ME1: variants seen among roughly 807,000 people sequenced by gnomAD.
ME1 encodes the protein NADP-dependent malic enzyme.
ME1 carries 74 observed loss-of-function variants against 66.4 expected under a neutral mutation model. The ratio of observed to expected loss-of-function variants is 1.11; its 90% CI spans 0.92 to 1.35. The LOEUF (loss-of-function observed/expected upper bound fraction) is 1.35, where lower values mean the gene tolerates loss of function less well. Ranked by LOEUF, ME1 falls within the 40% of genes most tolerant of loss-of-function variation. The pLI, the probability that ME1 is intolerant of heterozygous loss-of-function variation, is 0.00. For synonymous variants in ME1, 251 were observed against 235.6 expected, an observed-to-expected ratio of 1.07 and a Z score of -0.60; for missense variants, 750 against 694.1, an observed-to-expected ratio of 1.08 and a Z score of -0.90.
intron 6 of ME1, among the ~76,000 whole-genome samples, chr6:83,256,950 C>G (rs1766784099): frequency 6.6e-6 from 1 of 151,874 alleles, no homozygotes; most frequent in Admixed American, 6.6e-5. Flanking sequence ...AAGAGAAAAC[C>G]AAACACAGCA....
chr6:83,376,804 C>CAAAAAAAAAA lies in ME1; in HGVS notation c.362+21553_362+21562dup, dbSNP rs70987750. On this transcript the variant is annotated intron_variant, in intron 3 of 13. Transcript: ENST00000369705. The stretch of plus-strand genomic sequence containing the variant: ...GGCGACAGAACCAGACCCTGTCTCA[C>CAAAAAAAAAA]AAAAAAAAAAAAAAAATTCAAAAAA... Among the ~76,000 whole-genome samples, 55 of 87,108 alleles carry CAAAAAAAAAA rather than the reference C, an allele frequency of 6.3e-4. 2 individuals carry two copies. Among genetic ancestry groups the CAAAAAAAAAA allele is most frequent in the African/African-American group, 2.0e-3 (51 of 25,636 alleles). 57.1% of individuals were successfully genotyped at this position (87,108 alleles called of 152,430 possible).
At chr6:83,349,010 A>C (rs1040110481) in intron 4 of ME1, among the ~76,000 whole-genome samples, 2 of 140,930 alleles carry the variant, frequency 1.4e-5, no homozygotes, top group Non-Finnish European at 3.0e-5. Flanking sequence ...AACAAAAAAC[A>C]AAAAACAGTG....
intron 5 of ME1, among the ~76,000 whole-genome samples, chr6:83,334,038 A>T (rs1001027473): frequency 2.6e-5 from 4 of 151,996 alleles, no homozygotes; most frequent in African/African-American, 9.7e-5. Flanking sequence ...TGATTTCTGC[A>T]TTTCCATCTG....
At chr6:83,332,950 C>T (rs1367979146) in intron 5 of ME1, among the ~76,000 whole-genome samples, 4 of 152,024 alleles carry the variant, frequency 2.6e-5, no homozygotes, top group African/African-American at 9.7e-5. Context: ...TAGCCAAGTA[C>T]TTCTGTGTAC....
At chr6:83,350,647 C>A (rs185417557) in intron 4 of ME1, among the ~76,000 whole-genome samples, 10 of 152,026 alleles carry the variant, frequency 6.6e-5, no homozygotes, top group African/African-American at 2.2e-4. Context: ...ACCATTCCAG[C>A]TAATTTTAAA....
intron 5 of ME1, among the ~76,000 whole-genome samples, chr6:83,316,116 A>G (rs1562478794): frequency 1.3e-5 from 2 of 152,180 alleles, no homozygotes; most frequent in Non-Finnish European, 2.9e-5. Context: ...TTCCTTTCTT[A>G]ATTTTCCACT....
intron 6 of ME1, among the ~76,000 whole-genome samples, chr6:83,293,121 C>T (rs1767534443): frequency 1.3e-5 from 2 of 152,154 alleles, no homozygotes; most frequent in South Asian, 4.1e-4. Context: ...ACACCCTGCC[C>T]TGCTTCAGCT....
intron 11 of ME1, among the ~76,000 whole-genome samples, chr6:83,224,894 T>G (rs867234148): frequency 6.6e-6 from 1 of 151,728 alleles, no homozygotes; most frequent in Admixed American, 6.6e-5. Context: ...TCTCATGTAC[T>G]GCTTGCTTTA....
chr6:83,371,177 T>C (rs973586510), intron 3 of ME1, among the ~76,000 whole-genome samples: 133 of 152,302 alleles, frequency 8.7e-4, no homozygotes, highest in African/African-American at 3.1e-3. Flanking sequence ...TATTATTGTT[T>C]CTCTGATAAA....
chr6:83,309,541 G>C (rs1342664530), intron 6 of ME1, among the ~76,000 whole-genome samples: 1 of 152,068 alleles, frequency 6.6e-6, no homozygotes, highest in Non-Finnish European at 1.5e-5. Flanking sequence ...GGAGTCAGTG[G>C]GAGATTGGGA....
intron 1 of ME1, among the ~76,000 whole-genome samples, chr6:83,427,582 C>A (rs894810712): frequency 6.6e-6 from 1 of 152,062 alleles, no homozygotes; most frequent in African/African-American, 2.4e-5. Context: ...ACTTTAAAAG[C>A]TGAGTTCTGT....
chr6:83,386,104 T>G (rs2128549170), intron 3 of ME1, among the ~76,000 whole-genome samples: 1 of 151,924 alleles, frequency 6.6e-6, no homozygotes, highest in South Asian at 2.1e-4. Flanking sequence ...TCAAGGGAAA[T>G]GAAATAAATG....
intron 5 of ME1, among the ~76,000 whole-genome samples, chr6:83,334,048 G>C (rs1056469140): frequency 6.6e-6 from 1 of 152,108 alleles, no homozygotes; most frequent in Non-Finnish European, 1.5e-5. Context: ...ATTTCCATCT[G>C]AGGTACCGGG....
intron 3 of ME1, among the ~76,000 whole-genome samples, chr6:83,373,663 T>A (rs1004686832): frequency 1.7e-4 from 26 of 152,230 alleles, no homozygotes; most frequent in African/African-American, 6.3e-4. Flanking sequence ...GCAGGTTTGT[T>A]ACATAGGTAA....
chr6:83,304,869 A>ATTTGACTTTGATAT, intron 6 of ME1, among the ~76,000 whole-genome samples: 1 of 152,302 alleles, frequency 6.6e-6, no homozygotes, highest in East Asian at 1.9e-4. Flanking sequence ...ACTTTGACAT[A>ATTTGACTTTGATAT]TGTCAGCTCA....
chr6:83,309,921 A>C (rs1767899887), intron 6 of ME1, among the ~76,000 whole-genome samples: 1 of 152,092 alleles, frequency 6.6e-6, no homozygotes, highest in Non-Finnish European at 1.5e-5. Flanking sequence ...GTTGGGCTTC[A>C]AATTTTTCCT....
intron 5 of ME1, among the ~76,000 whole-genome samples, chr6:83,322,113 A>T (rs1768189595): frequency 6.6e-6 from 1 of 152,242 alleles, no homozygotes; most frequent in Non-Finnish European, 1.5e-5. Context: ...ATGAACATCA[A>T]CAAAAAGGAC....
At chr6:83,376,493 CAAAAAAAA>C (rs60227281) in intron 3 of ME1, among the ~76,000 whole-genome samples, 1 of 118,266 alleles carries the variant, frequency 8.5e-6, no homozygotes, top group African/African-American at 3.1e-5. Flanking sequence ...GAAACTCTGT[CAAAAAAAA>C]AAAAAAAGAA....
In ME1 at chr6:83,211,164, C is replaced by T. The variant is rs563272134; in HGVS notation, c.*760G>A. 3 of 152,252 alleles carry T rather than the reference C, an allele frequency of 2.0e-5. No homozygotes were observed. The South Asian group carries it at 6.2e-4, about 32-fold the overall frequency. The allele number at this position is 152,252 out of a possible 1,614,324, so 9.4% of individuals were successfully genotyped here. A position where few individuals can be genotyped will look rare whatever the true frequency, so the allele number is the denominator to read the frequency against. ...TGTGCTGAACTGAAGGTGCCAACCT[C>T]GGGACAGGGGCCACAGTCCACAAAA... On this transcript the variant is annotated 3_prime_UTR_variant, in exon 14 of 14. Coordinates refer to ENST00000369705, the MANE Select transcript of ME1 (RefSeq NM_002395.6).
Sources: gnomAD v4.1 joint callset for allele counts (sites outside exome capture counted in the v4.1 genomes callset) on GRCh38, gnomAD v4.1.1 for gene constraint, MANE v1.5 for transcripts, NCBI Gene and HGNC (gene_info 2026-07-23, HGNC 2026-07-21) for gene names.